BCAS3: variants seen among roughly 807,000 people sequenced by gnomAD.
The protein encoded by BCAS3 is BCAS4/BCAS3 fusion.
A neutral mutation model predicts 116.1 loss-of-function variants in BCAS3; 53 were observed. The observed-to-expected ratio is 0.46, with a 90% CI of 0.37 to 0.57. The LOEUF is 0.57. BCAS3 is among the 20% of genes least tolerant of loss of function. The pLI is 0.00. For missense variants in BCAS3, 917 were observed against 1,165.4 expected, an observed-to-expected ratio of 0.79 and a Z score of 3.10; for synonymous variants, 391 against 408.2, an observed-to-expected ratio of 0.96 and a Z score of 0.51.
At chr17:61,067,022 C>G (rs2070699161) in intron 19 of BCAS3, among the ~76,000 whole-genome samples, 1 of 151,562 alleles carries the variant, frequency 6.6e-6, no homozygotes, top group Admixed American at 6.6e-5. Context: ...TTTTAACTTT[C>G]TCTAACCGAT....
Position 61,063,648 on chromosome 17 carries a change from C to A in BCAS3, c.2030-11272C>A, listed in dbSNP as rs1037007830. ...TTTCCATTGAAAGCTTTGCTGTAGT[C>A]TGCAGCTGATCTGGGTGCAATGCTT... On this transcript the variant is annotated intron_variant, in intron 19 of 23. Transcript: ENST00000407086. This position sits in a 1 kb window ranked among gnomAD's most constrained non-coding sequence, Gnocchi z 5.3. Among the ~76,000 whole-genome samples the A allele has an allele frequency of 2.0e-5, 3 of 152,170 alleles. No individual in the cohort carries two copies. The highest frequency in any genetic ancestry group is 2.0e-4 in the Admixed American group (3 of 15,276).
intron 6 of BCAS3, among the ~76,000 whole-genome samples, chr17:60,783,455 T>C (rs2144500872): frequency 6.6e-6 from 1 of 152,284 alleles, no homozygotes; most frequent in Middle Eastern, 3.4e-3. Context: ...TCTGCCTGCC[T>C]TGGGCTCCCA....
chr17:60,758,286 A>G (rs1369215882), intron 6 of BCAS3, among the ~76,000 whole-genome samples: 1 of 152,178 alleles, frequency 6.6e-6, no homozygotes, highest in African/African-American at 2.4e-5. Context: ...TATGTAAAAA[A>G]TGACATTGGT....
At chr17:61,009,203 A>G (rs1252879819) in intron 15 of BCAS3, among the ~76,000 whole-genome samples, 1 of 152,074 alleles carries the variant, frequency 6.6e-6, no homozygotes, top group Non-Finnish European at 1.5e-5. Context: ...GCTCTTTCAC[A>G]GGGCACCATT....
In BCAS3 at chr17:61,235,049, G is replaced by T. The variant is rs940521728; in HGVS notation, c.2426-133278G>T. On this transcript the variant is annotated intron_variant, in intron 22 of 23. Transcript: ENST00000407086. The surrounding 1 kb of genome is among the most constrained non-coding windows in gnomAD (Gnocchi z 5.0). ...ACTATAGGCGCACGCCACCACTCCT[G>T]GCTAAGTTTTGTATTTTAGTAGAGA... Among the ~76,000 whole-genome samples the T allele has an allele frequency of 5.3e-5, 8 of 152,066 alleles. No individual in the cohort carries two copies. Among genetic ancestry groups the T allele is most frequent in the African/African-American group, 1.9e-4 (8 of 41,414 alleles).
At chr17:60,856,494 G>T (rs1171680689) in intron 7 of BCAS3, among the ~76,000 whole-genome samples, 3 of 152,052 alleles carry the variant, frequency 2.0e-5, no homozygotes, top group African/African-American at 7.2e-5. Flanking sequence ...TTCGAGACTA[G>T]CCTGGCCAAC....
Position 60,690,551 on chromosome 17 carries a change from T to C in BCAS3, c.214+790T>C, listed in dbSNP as rs148206254. Among the ~76,000 whole-genome samples, 1,126 of 136,010 alleles carry C rather than the reference T, an allele frequency of 8.3e-3. 14 individuals are homozygous for C. Among genetic ancestry groups the C allele is most frequent in the African/African-American group, 0.029 (1,035 of 36,246 alleles). 89.2% of individuals were successfully genotyped at this position (136,010 alleles called of 152,430 possible). A position where few individuals can be genotyped will look rare whatever the true frequency, so the allele number is the denominator to read the frequency against. The stretch of plus-strand genomic sequence containing the variant: ...TGCCACTGCACTCCAGCCTGGGTGA[T>C]GGAGTGCAACCCTGTCTAAAAATAA... On this transcript the variant is annotated intron_variant, in intron 4 of 23. Transcript: ENST00000407086.
rs1477110883 is a variant in BCAS3, at chr17:61,037,659, C to G, written c.1763-230C>G. ...TGGTGACAGGAGCCTGTAATCCCAG[C>G]TACTCAAGAGGCTGAGGCGGGAGAA... On this transcript the variant is annotated intron_variant, in intron 17 of 23. Coordinates refer to ENST00000407086, the MANE Select transcript of BCAS3 (RefSeq NM_017679.5). The surrounding 1 kb of genome is among the most constrained non-coding windows in gnomAD (Gnocchi z 4.7). Among the ~76,000 whole-genome samples the G allele has an allele frequency of 6.6e-6, 1 of 152,242 alleles. No individual in the cohort carries two copies. Among genetic ancestry groups the G allele is most frequent in the East Asian group, 1.9e-4 (1 of 5,182 alleles).
rs117383843 is a variant in BCAS3 at position 61,300,756 on chromosome 17, A to G, written c.2426-67571A>G. ...AAGTTCAGAGAAGTTTTTATTTCAT[A>G]TCTGATTAGCTTCAATTGACAATGT... On this transcript the variant is annotated intron_variant, in intron 22 of 23. Transcript: ENST00000407086. This position sits in a 1 kb window ranked among gnomAD's most constrained non-coding sequence, Gnocchi z 5.1. Among the ~76,000 whole-genome samples the G allele has an allele frequency of 0.011, 1,617 of 152,282 alleles. 12 individuals are homozygous for G. The highest frequency in any genetic ancestry group is 0.016 in the Non-Finnish European group (1,121 of 68,010).
intron 13 of BCAS3, among the ~76,000 whole-genome samples, chr17:60,926,614 C>G (rs1333952934): frequency 2.0e-5 from 3 of 152,048 alleles, no homozygotes; most frequent in Non-Finnish European, 2.9e-5. Context: ...GAAAAAACAG[C>G]CTGGAAGTTA....
In BCAS3 at chr17:61,337,336, G is replaced by A. The variant is rs1339724184; in HGVS notation, c.2426-30991G>A. Among the ~76,000 whole-genome samples, 4 of 152,186 alleles carry A rather than the reference G, an allele frequency of 2.6e-5. No individual in the cohort carries two copies. The highest frequency in any genetic ancestry group is 5.9e-5 in the Non-Finnish European group (4 of 68,030). On this transcript the variant is annotated intron_variant, in intron 22 of 23. Transcript: ENST00000407086. This position sits in a 1 kb window ranked among gnomAD's most constrained non-coding sequence, Gnocchi z 4.8. ...GCTAATGTGGGGTCTGTGATTCAGT[G>A]TTCTCCCAGGTCAGTGCTGCTTCCG...
intron 14 of BCAS3, among the ~76,000 whole-genome samples, chr17:60,955,228 C>T (rs1371133336): frequency 1.3e-5 from 2 of 152,030 alleles, no homozygotes; most frequent in African/African-American, 4.8e-5. Flanking sequence ...CTATTACCCT[C>T]AATGCTTGAA....
At chr17:61,159,056 C>A (rs962525347) in intron 22 of BCAS3, among the ~76,000 whole-genome samples, 1 of 152,132 alleles carries the variant, frequency 6.6e-6, no homozygotes. Context: ...TACATTTTAT[C>A]CTTTAAAGTG....
At chr17:61,054,623 C>CTCAA (rs1307477017) in intron 19 of BCAS3, among the ~76,000 whole-genome samples, 1 of 152,200 alleles carries the variant, frequency 6.6e-6, no homozygotes, top group Non-Finnish European at 1.5e-5. Flanking sequence ...ATCCACCCAC[C>CTCAA]TCAACCTCCT....
At chr17:60,708,387 C>T (rs948943563) in intron 4 of BCAS3, among the ~76,000 whole-genome samples, 11 of 150,364 alleles carry the variant, frequency 7.3e-5, no homozygotes, top group Non-Finnish European at 1.6e-4. Flanking sequence ...GAGCCAGGGC[C>T]TTACTCTGTC....
chr17:60,863,232 C>T (rs965982517), intron 7 of BCAS3, among the ~76,000 whole-genome samples: 3 of 152,042 alleles, frequency 2.0e-5, no homozygotes, highest in East Asian at 3.9e-4. Flanking sequence ...GTTTATTTCT[C>T]GACTCACTAT....
intron 22 of BCAS3, among the ~76,000 whole-genome samples, chr17:61,308,998 T>C (rs76249929): frequency 0.011 from 1,608 of 152,324 alleles, 33 homozygotes; most frequent in African/African-American, 0.036. Context: ...TCCAGCCATG[T>C]GGCCTCCCCC....
At chr17:60,679,429 T>C (rs770699470) in intron 1 of BCAS3, 24 bp from the exon 2 acceptor site, 2 of 1,561,464 alleles carry the variant, frequency 1.3e-6, no homozygotes, top group African/African-American at 1.4e-5. Flanking sequence ...CTGTTTTTTG[T>C]TTGTTTGTTT....
chr17:61,147,971 A>G (rs2077329033), intron 22 of BCAS3, among the ~76,000 whole-genome samples: 1 of 129,726 alleles, frequency 7.7e-6, no homozygotes, highest in South Asian at 2.9e-4. Context: ...GGGAAACAAG[A>G]GTGAAACTCT....
Sources: allele counts gnomAD v4.1 joint callset (sites outside exome capture counted in the v4.1 genomes callset), GRCh38; gene constraint gnomAD v4.1.1; non-coding constraint Gnocchi (gnomAD v3.1); transcripts MANE v1.5; gene names NCBI Gene and HGNC (gene_info 2026-07-23, HGNC 2026-07-21).